DNAH12: variants seen among roughly 807,000 people sequenced by gnomAD.
DNAH12 encodes axonemal beta dynein heavy chain 12.
DNAH12 carries 285 observed loss-of-function variants against 371.5 expected under a neutral mutation model. The ratio of observed to expected loss-of-function variants is 0.77; its 90% CI spans 0.70 to 0.85. The LOEUF (loss-of-function observed/expected upper bound fraction) is 0.85. Ranked by LOEUF, DNAH12 falls within the 40% of genes least tolerant of loss-of-function variation. DNAH12 has a pLI of 0.00. For synonymous variants in DNAH12, 1,200 were observed against 1,213.0 expected (o/e 0.99, Z 0.22); for missense variants, 3,611 against 3,689.4 (o/e 0.98, Z 0.55).
In DNAH12 at chr3:57,310,825, G is replaced by C. The variant is rs756946685; in HGVS notation, c.10788C>G (p.Asp3596Glu). 3 of 1,551,468 alleles carry C rather than the reference G, an allele frequency of 1.9e-6. No homozygotes were observed. The highest frequency in any genetic ancestry group is 8.7e-7 in the Non-Finnish European group (1 of 1,146,952). Residue 3596 changes from aspartate (D) to glutamate (E), a missense_variant, in exon 67 of 74, where the codon GAC (aspartate) becomes GAG (glutamate). Transcript: ENST00000495027. The part of the protein sequence containing the change: ...DRRLLLTMLA[D>E]FYNLYIVENP... ...TTTCAACTATGTACAGATTATAAAA[G>C]TCAGCCAGCATGGTTAATAGAAGAC... is the stretch of plus-strand genomic sequence containing the variant.
intron 23 of DNAH12, among the ~76,000 whole-genome samples, chr3:57,454,038 G>A (rs1405124055): frequency 6.6e-6 from 1 of 152,170 alleles, no homozygotes; most frequent in Non-Finnish European, 1.5e-5. Context: ...GAGCCCAGGA[G>A]TTTGAGGTTA....
At position 57,483,408 on chromosome 3, in the gene DNAH12, C is replaced by G; in HGVS notation, c.1618G>C (p.Val540Leu). The G allele has an allele frequency of 1.9e-6, 3 of 1,549,954 alleles. No homozygotes were observed. The East Asian group carries it at 7.3e-5, about 38-fold the overall frequency. Residue 540 changes from valine to leucine, a missense_variant, in exon 13 of 74, where the codon GTA (valine) becomes CTA (leucine). Physicochemically the swap from Val to Leu is conservative, Grantham distance 32 (BLOSUM62 1). Around this residue, in one of 3 missense-constraint regions of DNAH12, gnomAD observed 1,314 missense variants for 1,398.7 expected, o/e 0.94. Transcript: ENST00000495027. ...LISYVEKART[V>L]GIEELILRIQ... Reference sequence around the variant, plus strand: ...CTTAAAATCAACTCTTCGATTCCTACAGTCCGGGCTTTTTCTACATAAGAT... The same window carrying G: ...CTTAAAATCAACTCTTCGATTCCTAGAGTCCGGGCTTTTTCTACATAAGAT...
intron 2 of DNAH12, among the ~76,000 whole-genome samples, chr3:57,524,647 A>C (rs2068572166): frequency 6.6e-6 from 1 of 152,134 alleles, no homozygotes; most frequent in African/African-American, 2.4e-5. Flanking sequence ...AGAGGGGACA[A>C]GTTAGTTCAC....
In DNAH12 at chr3:57,445,425, G is replaced by C; in HGVS notation, c.4180-6C>G. ...GCCACTGTTCTAAAAAGAACCTGAAGTATAAAATAAATGAAATATATTACG... is the reference window on the plus strand; with the variant it reads ...GCCACTGTTCTAAAAAGAACCTGAACTATAAAATAAATGAAATATATTACG... On this transcript the variant is annotated splice_region_variant and splice_polypyrimidine_tract_variant and intron_variant, in intron 27 of 73. Coordinates refer to ENST00000495027, the MANE Select transcript of DNAH12 (RefSeq NM_001366028.2). The C allele has an allele frequency of 6.6e-7, 1 of 1,506,088 alleles. No individual in the cohort carries two copies. The highest frequency in any genetic ancestry group is 1.4e-5 in the African/African-American group (1 of 70,882). The allele number at this position is 1,506,088 out of a possible 1,614,324, so 93.3% of individuals were successfully genotyped here.
intron 39 of DNAH12, among the ~76,000 whole-genome samples, chr3:57,413,492 C>A (rs902774890): frequency 3.8e-4 from 57 of 151,886 alleles, no homozygotes; most frequent in Admixed American, 3.9e-4. Context: ...ACAAATGTGC[C>A]AATTTGGTGG....
intron 13 of DNAH12, among the ~76,000 whole-genome samples, chr3:57,481,967 C>T (rs2066759667): frequency 6.6e-6 from 1 of 152,046 alleles, no homozygotes; most frequent in South Asian, 2.1e-4. Context: ...CCATAAAAAC[C>T]CTAGAAGAAA....
chr3:57,356,485 AAAT>A (rs2062804308), intron 59 of DNAH12, among the ~76,000 whole-genome samples: 1 of 146,026 alleles, frequency 6.8e-6, no homozygotes, highest in African/African-American at 2.5e-5. Context: ...ATAAATAAAT[AAAT>A]AAAATAAAGA....
chr3:57,396,688 C>T (rs1302497878), intron 43 of DNAH12, among the ~76,000 whole-genome samples: 1 of 152,180 alleles, frequency 6.6e-6, no homozygotes, highest in African/African-American at 2.4e-5. Flanking sequence ...TCTCCTGCCT[C>T]AGGCTCCTGA....
chr3:57,553,236 C>T, the DNAH12 span, among the ~76,000 whole-genome samples: 4 of 152,086 alleles, frequency 2.6e-5, no homozygotes. Flanking sequence ...CTGCATCAGC[C>T]AGTCTCATCT....
Position 57,443,091 on chromosome 3 carries a change from T to G in DNAH12, c.4545+1606A>C, listed in dbSNP as rs147034475. On this transcript the variant is annotated intron_variant, in intron 29 of 73. Coordinates refer to ENST00000495027, the MANE Select transcript of DNAH12 (RefSeq NM_001366028.2). ...GCGTTAAATTGAATTTGAGATTGTT[T>G]TGTTTGTAATGTTATTTTATTTATT... Among the ~76,000 whole-genome samples the G allele has an allele frequency of 2.6e-4, 39 of 152,228 alleles. 1 individual carries two copies. The East Asian group carries it at 7.5e-3, about 29-fold the overall frequency.
intron 64 of DNAH12, 117 bp from the exon 65 acceptor site, chr3:57,322,600 C>A: frequency 8.2e-7 from 1 of 1,217,998 alleles, no homozygotes; most frequent in African/African-American, 1.5e-5. Flanking sequence ...ATTCAAAAAA[C>A]CTCTTAAGGT....
At chr3:57,519,543 A>AC (rs759116592) in intron 4 of DNAH12, 102 of 615,198 alleles carry the variant, frequency 1.7e-4, no homozygotes, top group Middle Eastern at 9.1e-4. Flanking sequence ...GTCCCAAAGG[A>AC]CCACAGATCC....
intron 4 of DNAH12, chr3:57,519,757 C>T (rs878962154): frequency 6.2e-6 from 10 of 1,606,934 alleles, no homozygotes; most frequent in African/African-American, 4.0e-5. Context: ...GCAGCAGTTG[C>T]GGAAGGAATG....
chr3:57,501,379 G>A lies in DNAH12; in HGVS notation c.1277C>T (p.Ala426Val). ...CTGAAAAGTCTCTATATTCTCAACT[G>A]CAGTCCCATCAAGGAGCCAATTATA... ...EKYNWLLDGT[A>V]VENIETFQTE... The change falls in exon 11 of 74, where the codon GCA becomes GTA. Residue 426 changes from alanine (A) to valine (V), a missense_variant. Transcript: ENST00000495027. 1.3e-6 allele frequency: 2 copies of A among 1,594,044 alleles called. No homozygotes were observed. The highest frequency in any genetic ancestry group is 1.2e-5 in the South Asian group (1 of 85,928).
At chr3:57,521,576 A>C (rs1223223296) in intron 4 of DNAH12, among the ~76,000 whole-genome samples, 8 of 152,170 alleles carry the variant, frequency 5.3e-5, no homozygotes, top group Non-Finnish European at 1.5e-5. Flanking sequence ...CTGTTCCACT[A>C]ATCAAAGTTT....
At chr3:57,490,402 A>G (rs1001380531) in intron 11 of DNAH12, among the ~76,000 whole-genome samples, 3 of 152,204 alleles carry the variant, frequency 2.0e-5, no homozygotes, top group Admixed American at 6.5e-5. Context: ...ATTGGAATGT[A>G]TGTCAACTTC....
chr3:57,379,861 A>AT lies in DNAH12; in HGVS notation c.8082+416_8082+417insA, dbSNP rs1299438117. Among the ~76,000 whole-genome samples the AT allele has an allele frequency of 1.1e-4, 16 of 150,386 alleles. 1 individual carries two copies. Among genetic ancestry groups the AT allele is most frequent in the Non-Finnish European group, 1.8e-4 (12 of 67,542 alleles). ...GTCTCCCAAAAAAAAAAAAAAAAAA[A>AT]AAAAAAAAGACATAAGTTGAGAGAA... On this transcript the variant is annotated intron_variant, in intron 51 of 73. Coordinates refer to ENST00000495027, the MANE Select transcript of DNAH12 (RefSeq NM_001366028.2).
In DNAH12 at chr3:57,457,942, T is replaced by C. The variant is rs918120892; in HGVS notation, c.3115A>G (p.Arg1039Gly). The C allele has an allele frequency of 5.2e-6, 8 of 1,551,676 alleles. No individual in the cohort carries two copies. The highest frequency in any genetic ancestry group is 7.0e-6 in the Non-Finnish European group (8 of 1,146,980). ...EILSETKDPLRVQPHLKKCFE... is the reference protein window; with the variant it reads ...EILSETKDPLGVQPHLKKCFE... Reference sequence around the variant, plus strand: ...CATTTTTTTAAATGTGGCTGAACTCTAAGTGGATCTTTGGTCTCTGATAAA... The same window carrying C: ...CATTTTTTTAAATGTGGCTGAACTCCAAGTGGATCTTTGGTCTCTGATAAA... The change falls in exon 22 of 74, where the codon AGA (arginine) becomes GGA (glycine). Residue 1039 changes from arginine to glycine, a missense_variant. Arg to Gly is a moderately radical substitution (Grantham distance 125). Coordinates refer to ENST00000495027, the MANE Select transcript of DNAH12 (RefSeq NM_001366028.2).
intron 34 of DNAH12, 120 bp downstream of exon 34, chr3:57,428,513 G>T: frequency 6.6e-7 from 1 of 1,525,734 alleles, no homozygotes; most frequent in Non-Finnish European, 8.8e-7. Context: ...ACGGTGGATA[G>T]TAAATGCATA....
Sources: allele counts gnomAD v4.1 joint callset (sites outside exome capture counted in the v4.1 genomes callset), GRCh38; gene constraint gnomAD v4.1.1; regional missense constraint gnomAD v4.1.1; transcripts MANE v1.5; gene names NCBI Gene and HGNC (gene_info 2026-07-23, HGNC 2026-07-21).